CCDC171: variants seen among roughly 807,000 people sequenced by gnomAD.
The protein encoded by CCDC171 is coiled-coil domain-containing protein 171.
CCDC171 carries 177 observed loss-of-function variants against 168.2 expected under a neutral mutation model. The observed-to-expected ratio is 1.05, with a 90% CI of 0.93 to 1.19. CCDC171 has a LOEUF of 1.19. Among genes scored for constraint, CCDC171 ranks in the 50% most tolerant of loss-of-function variants. The probability of loss-of-function intolerance (pLI) is 0.00; values close to 1 mark genes in which losing one functional copy is unlikely to be tolerated. For missense variants in CCDC171, 1,991 were observed against 1,539.0 expected (o/e 1.29, Z -4.91); for synonymous variants, 687 against 540.8 (o/e 1.27, Z -3.75).
intron 5 of CCDC171, chr9:16,022,632 C>T (rs551792383): frequency 7.2e-5 from 11 of 152,264 alleles, no homozygotes; most frequent in Admixed American, 1.3e-4. Context: ...TATATTCCCT[C>T]TAAGTGGGCA....
At chr9:15,569,641 C>G (rs1012444447) in intron 2 of CCDC171, among the ~76,000 whole-genome samples, 16 of 151,528 alleles carry the variant, frequency 1.1e-4, no homozygotes, top group Non-Finnish European at 2.1e-4. Flanking sequence ...CGGTGAAACC[C>G]CGTCTCTACT....
At chr9:15,628,275 CAAAG>C (rs137892268) in intron 7 of CCDC171, among the ~76,000 whole-genome samples, 3,595 of 152,198 alleles carry the variant, frequency 0.024, 62 homozygotes, top group Non-Finnish European at 0.038. Context: ...CTTTCCTAGT[CAAAG>C]AAAGGGATGA....
At chr9:15,597,002 T>A (rs1326782793) in intron 6 of CCDC171, among the ~76,000 whole-genome samples, 7 of 152,182 alleles carry the variant, frequency 4.6e-5, no homozygotes, top group Admixed American at 2.0e-4. Context: ...TTTTGTATCC[T>A]GAGACTTTGC....
chr9:15,611,916 A>C (rs1178648500), intron 6 of CCDC171, among the ~76,000 whole-genome samples: 2 of 152,232 alleles, frequency 1.3e-5, no homozygotes, highest in African/African-American at 4.8e-5. Flanking sequence ...TGGTATTAGG[A>C]GGTGGGGTCT....
In CCDC171 at chr9:15,599,376, TGTAAA is replaced by T. The variant is rs2042648156; in HGVS notation, c.675+5208_675+5212del. On this transcript the variant is annotated intron_variant, in intron 6 of 25. Transcript: ENST00000380701. Reference sequence around the variant, plus strand: ...CCAAATCTCTCAGCATTTGCTTGTCTGTAAAGTATTTTATTTCTCCTTCACTTATG... The same window carrying T: ...CCAAATCTCTCAGCATTTGCTTGTCTGTATTTTATTTCTCCTTCACTTATG... Among the ~76,000 whole-genome samples the T allele has an allele frequency of 2.0e-5, 3 of 152,290 alleles. No individual in the cohort carries two copies. The South Asian group carries it at 6.2e-4, about 32-fold the overall frequency.
At chr9:15,683,075 T>C (rs988713709) in intron 10 of CCDC171, among the ~76,000 whole-genome samples, 1 of 152,026 alleles carries the variant, frequency 6.6e-6, no homozygotes, top group African/African-American at 2.4e-5. Flanking sequence ...CTTAAGTCCG[T>C]CATTTCTTGA....
chr9:15,893,582 A>G (rs2794646), intron 24 of CCDC171, among the ~76,000 whole-genome samples: 62,347 of 152,002 alleles, frequency 0.41, 12,950 homozygotes, highest in Admixed American at 0.44. Flanking sequence ...ACCAATTTAC[A>G]AGAAAAAACA....
intron 25 of CCDC171, among the ~76,000 whole-genome samples, chr9:15,940,896 T>A (rs1291458629): frequency 6.6e-6 from 1 of 151,910 alleles, no homozygotes; most frequent in Non-Finnish European, 1.5e-5. Flanking sequence ...AAGAAGTTAA[T>A]CTTTGCCCTG....
the CCDC171 span, among the ~76,000 whole-genome samples, chr9:16,069,556 C>T: frequency 1.3e-5 from 2 of 152,194 alleles, no homozygotes; most frequent in South Asian, 2.1e-4. Context: ...GGCTAACGCT[C>T]GGGGCACCGA....
intron 25 of CCDC171, among the ~76,000 whole-genome samples, chr9:15,952,602 G>T (rs1829325313): frequency 6.6e-6 from 1 of 152,050 alleles, no homozygotes; most frequent in Admixed American, 6.6e-5. Flanking sequence ...TCTCCATGTT[G>T]GTCAGGCTGG....
At chr9:15,866,672 A>G (rs1246589401) in intron 23 of CCDC171, among the ~76,000 whole-genome samples, 1 of 152,008 alleles carries the variant, frequency 6.6e-6, no homozygotes, top group African/African-American at 2.4e-5. Flanking sequence ...TAAAGGTTTG[A>G]GATTGACTAA....
chr9:15,816,813 A>T (rs1291513426), intron 21 of CCDC171, among the ~76,000 whole-genome samples: 2 of 118,820 alleles, frequency 1.7e-5, no homozygotes. Flanking sequence ...AATGAACCAT[A>T]TAATATTCTG....
At chr9:15,665,149 G>A (rs1044018990) in intron 8 of CCDC171, among the ~76,000 whole-genome samples, 2 of 151,658 alleles carry the variant, frequency 1.3e-5, no homozygotes, top group East Asian at 1.9e-4. Flanking sequence ...TTTATTTTGA[G>A]GGAAGGTCTC....
At chr9:15,769,478 C>T (rs1050940916) in intron 18 of CCDC171, among the ~76,000 whole-genome samples, 1 of 152,200 alleles carries the variant, frequency 6.6e-6, no homozygotes, top group Non-Finnish European at 1.5e-5. Context: ...TATCTGCCAA[C>T]AGAATTTTGA....
intron 17 of CCDC171, 100 bp downstream of exon 17, chr9:15,744,877 A>G: frequency 9.4e-7 from 1 of 1,066,566 alleles, no homozygotes; most frequent in Non-Finnish European, 1.3e-6. Context: ...AAATCATGTA[A>G]TATGCCAAAT....
chr9:15,623,447 G>T (rs769072082), intron 7 of CCDC171, 34 bp downstream of exon 7: 10 of 1,324,668 alleles, frequency 7.5e-6, no homozygotes, highest in South Asian at 1.2e-5. Context: ...ATATATATGC[G>T]TACAAACTTT....
chr9:15,795,085 TC>T (rs2058484105), intron 21 of CCDC171, among the ~76,000 whole-genome samples: 1 of 152,198 alleles, frequency 6.6e-6, no homozygotes. Context: ...GAAATCTATT[TC>T]TCAAGGTTCT....
chr9:15,920,540 A>G, intron 25 of CCDC171, 118 bp downstream of exon 25: 1 of 696,828 alleles, frequency 1.4e-6, no homozygotes, highest in Admixed American at 3.3e-5. Context: ...GTAAATGATC[A>G]ATCAAGTGAC....
intron 3 of CCDC171, among the ~76,000 whole-genome samples, chr9:15,998,446 T>C (rs1408672380): frequency 2.0e-5 from 3 of 152,146 alleles, no homozygotes; most frequent in Non-Finnish European, 2.9e-5. Context: ...GATCAGGCAT[T>C]TCATAAGCCC....
Sources: allele counts gnomAD v4.1 joint callset (sites outside exome capture counted in the v4.1 genomes callset), GRCh38; gene constraint gnomAD v4.1.1; transcripts MANE v1.5; gene names NCBI Gene and HGNC (gene_info 2026-07-23, HGNC 2026-07-21).